PDGFRL: variants seen among roughly 807,000 people sequenced by gnomAD.
PDGFRL encodes the protein platelet derived growth factor receptor like, also known as platelet-derived growth factor receptor-like protein.
Under a neutral mutation model 37.2 loss-of-function variants are expected in PDGFRL, and 46 were observed. The observed-to-expected ratio is 1.24, with a 90% CI of 0.98 to 1.58. PDGFRL has a LOEUF of 1.58. Among genes scored for constraint, PDGFRL ranks in the 40% most tolerant of loss-of-function variants. PDGFRL has a pLI of 0.00. For synonymous variants in PDGFRL, 251 were observed against 184.3 expected (o/e 1.36, Z -2.93); for missense variants, 692 against 467.6 (o/e 1.48, Z -4.43).
At position 17,582,265 on chromosome 8, in the gene PDGFRL, C is replaced by T. The variant is rs994040072; in HGVS notation, c.55+4958C>T. Reference sequence around the variant, plus strand: ...GAAGAAATTTTTAATCAGCAAAGTGCTCAAGTAGTGGTGGGTGTGGCTGGG... The same window carrying T: ...GAAGAAATTTTTAATCAGCAAAGTGTTCAAGTAGTGGTGGGTGTGGCTGGG... On this transcript the variant is annotated intron_variant, in intron 1 of 5. Transcript: ENST00000251630. 2.0e-5 allele frequency among the ~76,000 whole-genome samples: 3 copies of T among 152,068 alleles called. No homozygotes were observed. The South Asian group carries it at 6.2e-4, about 32-fold the overall frequency.
At chr8:17,598,947 T>C (rs1804109484) in intron 2 of PDGFRL, among the ~76,000 whole-genome samples, 1 of 152,224 alleles carries the variant, frequency 6.6e-6, no homozygotes, top group African/African-American at 2.4e-5. Context: ...CCCAGCCACG[T>C]GGAACTGTGA....
intron 5 of PDGFRL, among the ~76,000 whole-genome samples, chr8:17,635,713 T>G (rs919948092): frequency 2.0e-5 from 3 of 152,232 alleles, no homozygotes; most frequent in Non-Finnish European, 4.4e-5. Flanking sequence ...TTTTCCATAG[T>G]GGTTGTACTA....
At chr8:17,599,029 C>G (rs959712647) in intron 2 of PDGFRL, among the ~76,000 whole-genome samples, 1 of 152,192 alleles carries the variant, frequency 6.6e-6, no homozygotes, top group Admixed American at 6.5e-5. Context: ...TGAGAACAGA[C>G]TAATACAGAA....
chr8:17,604,954 A>T (rs536925958), intron 2 of PDGFRL, among the ~76,000 whole-genome samples: 49 of 152,164 alleles, frequency 3.2e-4, no homozygotes, highest in African/African-American at 1.2e-3. Context: ...TCTCTACGAA[A>T]AAAGATACAC....
chr8:17,582,997 G>A (rs1803740253), intron 1 of PDGFRL, among the ~76,000 whole-genome samples: 1 of 152,114 alleles, frequency 6.6e-6, no homozygotes, highest in South Asian at 2.1e-4. Context: ...GTTCCAGATG[G>A]GCGAATAAGA....
chr8:17,621,846 A>G (rs555496481), intron 3 of PDGFRL, among the ~76,000 whole-genome samples: 58 of 151,862 alleles, frequency 3.8e-4, no homozygotes, highest in African/African-American at 1.4e-3. Context: ...TTGTTTTTTG[A>G]TTTTTCGGTA....
chr8:17,591,031 T>C (rs1404424113), intron 2 of PDGFRL, among the ~76,000 whole-genome samples: 3 of 151,958 alleles, frequency 2.0e-5, no homozygotes, highest in South Asian at 2.1e-4. Flanking sequence ...TACAGGTGCC[T>C]GCCACCACGC....
rs147789323 is a variant in PDGFRL, at chr8:17,619,999, G to C, written c.354-1052G>C. 6.1e-3 allele frequency among the ~76,000 whole-genome samples: 924 copies of C among 152,254 alleles called. 4 individuals are homozygous for C. The highest frequency in any genetic ancestry group is 0.01 in the Middle Eastern group (3 of 294). ...TTTTTTAGAGACAGGGTCTTGCTCTGTCACCCAGGCTGGAGTGCAGTGGCG... is the reference window on the plus strand; with the variant it reads ...TTTTTTAGAGACAGGGTCTTGCTCTCTCACCCAGGCTGGAGTGCAGTGGCG... On this transcript the variant is annotated intron_variant, in intron 2 of 5. Coordinates refer to ENST00000251630, the MANE Select transcript of PDGFRL (RefSeq NM_001372073.1).
chr8:17,628,240 C>A (rs949575410), intron 3 of PDGFRL, among the ~76,000 whole-genome samples: 2 of 151,932 alleles, frequency 1.3e-5, no homozygotes, highest in African/African-American at 2.4e-5. Context: ...GTGATCTGCC[C>A]GCCTCAGCCT....
At chr8:17,585,656 C>A (rs1273357043) in intron 1 of PDGFRL, among the ~76,000 whole-genome samples, 2 of 152,086 alleles carry the variant, frequency 1.3e-5, no homozygotes, top group Non-Finnish European at 2.9e-5. Context: ...TAGGGATGGC[C>A]TTTCCCCTTT....
intron 3 of PDGFRL, among the ~76,000 whole-genome samples, chr8:17,628,236 T>C (rs543508090): frequency 3.3e-5 from 5 of 151,660 alleles, no homozygotes; most frequent in East Asian, 2.0e-4. Flanking sequence ...CCTCGTGATC[T>C]GCCCGCCTCA....
chr8:17,585,909 ATTTG>A (rs1803804982), intron 1 of PDGFRL, among the ~76,000 whole-genome samples: 1 of 151,878 alleles, frequency 6.6e-6, no homozygotes, highest in Non-Finnish European at 1.5e-5. Context: ...GCTTTGTAAC[ATTTG>A]TTTATTTATT....
intron 5 of PDGFRL, among the ~76,000 whole-genome samples, chr8:17,635,482 A>G (rs1375155777): frequency 5.9e-5 from 9 of 152,244 alleles, no homozygotes; most frequent in Admixed American, 1.3e-4. Flanking sequence ...ATGGCTGAGT[A>G]GTATTCCATG....
chr8:17,639,862 C>G (rs1229594951), intron 5 of PDGFRL, among the ~76,000 whole-genome samples: 1 of 152,194 alleles, frequency 6.6e-6, no homozygotes, highest in Admixed American at 6.5e-5. Flanking sequence ...ATTACTCCCT[C>G]AAATATGTCT....
intron 5 of PDGFRL, among the ~76,000 whole-genome samples, chr8:17,642,140 C>T (rs1004323960): frequency 6.6e-6 from 1 of 152,046 alleles, no homozygotes; most frequent in Non-Finnish European, 1.5e-5. Flanking sequence ...CATACTTCTC[C>T]CTCTCTCAAA....
chr8:17,587,766 G>C (rs144494293), intron 1 of PDGFRL, among the ~76,000 whole-genome samples: 1,572 of 152,176 alleles, frequency 0.01, 40 homozygotes, highest in African/African-American at 0.035. Flanking sequence ...TGGTAGCTGG[G>C]ATTACAGGCA....
intron 1 of PDGFRL, among the ~76,000 whole-genome samples, chr8:17,583,931 G>A (rs1194099182): frequency 6.6e-6 from 1 of 152,150 alleles, no homozygotes; most frequent in Non-Finnish European, 1.5e-5. Context: ...ACTGTGAGCT[G>A]AGTAAACCTC....
chr8:17,622,923 T>A (rs2129773890), intron 3 of PDGFRL, among the ~76,000 whole-genome samples: 1 of 152,252 alleles, frequency 6.6e-6, no homozygotes, highest in Non-Finnish European at 1.5e-5. Context: ...GCATGTGTGT[T>A]AAGGGATGGA....
At chr8:17,585,513 T>G (rs1037217943) in intron 1 of PDGFRL, among the ~76,000 whole-genome samples, 1 of 152,126 alleles carries the variant, frequency 6.6e-6, no homozygotes, top group Non-Finnish European at 1.5e-5. Flanking sequence ...CTTGGAAAAG[T>G]GTGTGTGTTC....
Sources: allele counts gnomAD v4.1 joint callset (sites outside exome capture counted in the v4.1 genomes callset), GRCh38; gene constraint gnomAD v4.1.1; transcripts MANE v1.5; gene names NCBI Gene and HGNC (gene_info 2026-07-23, HGNC 2026-07-21).